TSHZ2: variants seen among roughly 807,000 people sequenced by gnomAD.
TSHZ2 encodes teashirt homolog 2.
In TSHZ2, 21 loss-of-function variants were observed where a neutral mutation model predicts 74.4. That is an observed-to-expected ratio of 0.28 (90% CI 0.20 to 0.41). The LOEUF is 0.41. TSHZ2 is among the 10% of genes least tolerant of loss of function. The pLI is 1.00. For missense variants in TSHZ2, 1,244 were observed against 1,293.5 expected, an observed-to-expected ratio of 0.96 and a Z score of 0.59; for synonymous variants, 540 against 515.3, an observed-to-expected ratio of 1.05 and a Z score of -0.65.
chr20:53,130,144 C>T lies in TSHZ2; in HGVS notation c.41-123355C>T, dbSNP rs563014420. ...ATTATGATAGTTATCAATTTCTTAGCGCTAGATGCTGCAAATCTAAATCTA... is the reference window on the plus strand; with the variant it reads ...ATTATGATAGTTATCAATTTCTTAGTGCTAGATGCTGCAAATCTAAATCTA... On this transcript the variant is annotated intron_variant, in intron 1 of 2. Coordinates refer to ENST00000371497, the MANE Select transcript of TSHZ2 (RefSeq NM_173485.6). Among the ~76,000 whole-genome samples the T allele has an allele frequency of 9.2e-5, 14 of 151,470 alleles. No individual in the cohort carries two copies. In the South Asian group the frequency reaches 1.5e-3, roughly 16 times the overall value.
At chr20:53,008,253 G>T (rs1185801307) in intron 1 of TSHZ2, among the ~76,000 whole-genome samples, 1 of 152,220 alleles carries the variant, frequency 6.6e-6, no homozygotes, top group East Asian at 1.9e-4. Context: ...AGGCATTTCA[G>T]AAATATGGTT....
In TSHZ2 at chr20:52,973,082, C is replaced by G; in HGVS notation, c.-212C>G. The G allele has an allele frequency of 1.9e-6, 1 of 535,080 alleles. No individual in the cohort carries two copies. The highest frequency in any genetic ancestry group is 3.3e-6 in the Non-Finnish European group (1 of 303,770). The allele number at this position is 535,080 out of a possible 1,614,324, so 33.1% of individuals were successfully genotyped here. On this transcript the variant is annotated 5_prime_UTR_variant, in exon 1 of 3. Coordinates refer to ENST00000371497, the MANE Select transcript of TSHZ2 (RefSeq NM_173485.6). ...AACCTCTACTTCAAAGCAGCCGGCA[C>G]AAGCCACCCGTGTCTGCCACCCAGA...
intron 2 of TSHZ2, among the ~76,000 whole-genome samples, chr20:53,464,930 C>T (rs1185483972): frequency 1.3e-5 from 2 of 152,308 alleles, no homozygotes; most frequent in South Asian, 4.1e-4. Flanking sequence ...CCACGCTCAG[C>T]TTAGAGGTAG....
At chr20:52,983,797 G>C (rs1469438190) in intron 1 of TSHZ2, among the ~76,000 whole-genome samples, 1 of 152,178 alleles carries the variant, frequency 6.6e-6, no homozygotes, top group African/African-American at 2.4e-5. Context: ...AACATGGATG[G>C]AGGGGAAGGA....
chr20:53,216,831 A>G (rs1056132460), intron 1 of TSHZ2, among the ~76,000 whole-genome samples: 1 of 152,028 alleles, frequency 6.6e-6, no homozygotes, highest in Non-Finnish European at 1.5e-5. Flanking sequence ...GCTGGGACTG[A>G]GTTGTCTAAA....
chr20:53,008,782 A>G (rs1452615508), intron 1 of TSHZ2, among the ~76,000 whole-genome samples: 1 of 152,130 alleles, frequency 6.6e-6, no homozygotes, highest in Admixed American at 6.5e-5. Context: ...TTCATGGGGA[A>G]TACATTCCAA....
At chr20:53,402,516 T>C (rs1238194110) in intron 2 of TSHZ2, among the ~76,000 whole-genome samples, 1 of 152,108 alleles carries the variant, frequency 6.6e-6, no homozygotes, top group Non-Finnish European at 1.5e-5. Context: ...GTTCTCAAAA[T>C]AATGAAATCA....
chr20:53,376,083 T>C (rs947730425), intron 2 of TSHZ2, among the ~76,000 whole-genome samples: 5 of 152,042 alleles, frequency 3.3e-5, no homozygotes, highest in South Asian at 2.1e-4. Flanking sequence ...CCCTAAGAAA[T>C]TGAAGTTTGG....
intron 2 of TSHZ2, among the ~76,000 whole-genome samples, chr20:53,386,853 T>C (rs1982065191): frequency 6.6e-6 from 1 of 150,460 alleles, no homozygotes; most frequent in African/African-American, 2.4e-5. Flanking sequence ...TGGAGAATAA[T>C]GGTTATGTTA....
At chr20:53,229,444 A>G (rs1024176362) in intron 1 of TSHZ2, among the ~76,000 whole-genome samples, 3 of 152,206 alleles carry the variant, frequency 2.0e-5, no homozygotes, top group Admixed American at 1.3e-4. Context: ...TTTCAAAGAC[A>G]GGTGATTTAC....
chr20:53,101,397 G>A (rs981101193), intron 1 of TSHZ2, among the ~76,000 whole-genome samples: 20 of 152,066 alleles, frequency 1.3e-4, no homozygotes, highest in Admixed American at 5.2e-4. Flanking sequence ...TCCTTATTGC[G>A]TTGCAAATCT....
chr20:53,043,875 A>C (rs1303401621), intron 1 of TSHZ2, among the ~76,000 whole-genome samples: 1 of 152,206 alleles, frequency 6.6e-6, no homozygotes, highest in Non-Finnish European at 1.5e-5. Context: ...TAGTTTCTGG[A>C]AATATTAAAT....
At chr20:53,029,068 C>G (rs1983546480) in intron 1 of TSHZ2, among the ~76,000 whole-genome samples, 1 of 152,156 alleles carries the variant, frequency 6.6e-6, no homozygotes, top group South Asian at 2.1e-4. Flanking sequence ...CATACTAATA[C>G]TATGAGCACC....
rs376873305 is a variant in TSHZ2 at position 53,337,340 on chromosome 20, T to G, written c.*8+80769T>G. 4.6e-4 allele frequency among the ~76,000 whole-genome samples: 70 copies of G among 152,370 alleles called. 1 individual carries two copies. In the South Asian group the frequency reaches 0.014, roughly 31 times the overall value. On this transcript the variant is annotated intron_variant, in intron 2 of 2. Transcript: ENST00000371497. ...GTTGAATACTGTGGGACTGTTGCCTTGCCATGTTGACACATAAAACCAACC... is the reference window on the plus strand; with the variant it reads ...GTTGAATACTGTGGGACTGTTGCCTGGCCATGTTGACACATAAAACCAACC...
intron 1 of TSHZ2, among the ~76,000 whole-genome samples, chr20:53,029,415 C>T (rs1188276541): frequency 6.6e-6 from 1 of 152,210 alleles, no homozygotes; most frequent in Non-Finnish European, 1.5e-5. Context: ...GTGGCTCACA[C>T]CTGTAATCCT....
intron 1 of TSHZ2, among the ~76,000 whole-genome samples, chr20:53,004,842 A>G (rs1568715281): frequency 1.3e-5 from 2 of 152,220 alleles, no homozygotes; most frequent in Non-Finnish European, 2.9e-5. Context: ...TGGGCTGTAC[A>G]TGAATCTTCT....
intron 1 of TSHZ2, among the ~76,000 whole-genome samples, chr20:53,207,695 G>C (rs779645451): frequency 6.6e-6 from 1 of 151,690 alleles, no homozygotes; most frequent in African/African-American, 2.4e-5. Context: ...ATTTATTTTA[G>C]AGATGGGGTC....
At chr20:53,450,774 G>C (rs1012801485) in intron 2 of TSHZ2, among the ~76,000 whole-genome samples, 7 of 152,046 alleles carry the variant, frequency 4.6e-5, no homozygotes, top group African/African-American at 1.7e-4. Flanking sequence ...CTCCTGCCTT[G>C]GCCTCTCAAA....
intron 1 of TSHZ2, among the ~76,000 whole-genome samples, chr20:53,094,492 G>A (rs1353352809): frequency 6.6e-6 from 1 of 152,132 alleles, no homozygotes; most frequent in Non-Finnish European, 1.5e-5. Flanking sequence ...CTGACTCGGT[G>A]CAAGTTAGAA....
Sources: gnomAD v4.1 joint callset for allele counts (sites outside exome capture counted in the v4.1 genomes callset) on GRCh38, gnomAD v4.1.1 for gene constraint, MANE v1.5 for transcripts, NCBI Gene and HGNC (gene_info 2026-07-23, HGNC 2026-07-21) for gene names.